The following DIAPH3 variants were observed in gnomAD, a reference collection of about 807,000 sequenced individuals.
The protein encoded by DIAPH3 is protein diaphanous homolog 3.
A neutral mutation model predicts 144.3 loss-of-function variants in DIAPH3; 117 were observed. The ratio of observed to expected loss-of-function variants is 0.81; its 90% CI spans 0.70 to 0.95. The LOEUF is 0.95. Among genes scored for constraint, DIAPH3 ranks in the 40% least tolerant of loss-of-function variants. DIAPH3 has a pLI of 0.00. For missense variants in DIAPH3, 1,421 were observed against 1,412.7 expected (o/e 1.01, Z -0.09); for synonymous variants, 519 against 488.9 (o/e 1.06, Z -0.81).
intron 20 of DIAPH3, 103 bp downstream of exon 20, chr13:59,911,632 T>C (rs1427113898): frequency 1.2e-6 from 1 of 841,098 alleles, no homozygotes; most frequent in Non-Finnish European, 2.0e-6. Flanking sequence ...ATTAAATGTA[T>C]GTGATTACTC....
intron 1 of DIAPH3, among the ~76,000 whole-genome samples, chr13:60,143,892 G>A (rs940103547): frequency 3.3e-5 from 5 of 152,174 alleles, no homozygotes; most frequent in Admixed American, 3.3e-4. Context: ...TCAGATGGAC[G>A]AATCAGATGT....
rs185024564 is a variant in DIAPH3 at position 60,060,354 on chromosome 13, C to G, written c.496-17534G>C. ...TCTCCGATTTCCTCAGTATAAAATG[C>G]TCACAGTGGTTATGGAGTGGAAGAA... is the stretch of plus-strand genomic sequence containing the variant. On this transcript the variant is annotated intron_variant, in intron 4 of 27. Coordinates refer to ENST00000400324, the MANE Select transcript of DIAPH3 (RefSeq NM_001042517.2). Among the ~76,000 whole-genome samples, 5 of 152,182 alleles carry G rather than the reference C, an allele frequency of 3.3e-5. No homozygotes were observed. In the East Asian group the frequency reaches 9.7e-4, roughly 29 times the overall value.
At chr13:59,692,184 T>C (rs1380165572) in intron 27 of DIAPH3, among the ~76,000 whole-genome samples, 1 of 145,730 alleles carries the variant, frequency 6.9e-6, no homozygotes, top group Non-Finnish European at 1.5e-5. Context: ...TACAAACTTT[T>C]ACTCTTGATA....
chr13:59,908,207 A>G (rs1236446687), intron 20 of DIAPH3, among the ~76,000 whole-genome samples: 1 of 151,782 alleles, frequency 6.6e-6, no homozygotes, highest in Non-Finnish European at 1.5e-5. Context: ...CATGTCTACT[A>G]AAAATACAAA....
chr13:59,808,249 A>G (rs1424229252), intron 25 of DIAPH3, among the ~76,000 whole-genome samples: 3 of 151,898 alleles, frequency 2.0e-5, no homozygotes, highest in Non-Finnish European at 4.4e-5. Flanking sequence ...TAAAATGTAA[A>G]TATGAATACA....
At chr13:59,708,576 C>T (rs979763962) in intron 27 of DIAPH3, among the ~76,000 whole-genome samples, 1 of 152,190 alleles carries the variant, frequency 6.6e-6, no homozygotes, top group African/African-American at 2.4e-5. Context: ...CAGGACTTCA[C>T]CCTTGCTTGG....
intron 22 of DIAPH3, among the ~76,000 whole-genome samples, chr13:59,860,553 A>G (rs964215074): frequency 6.6e-6 from 1 of 152,098 alleles, no homozygotes; most frequent in African/African-American, 2.4e-5. Flanking sequence ...CCTGGCTAAC[A>G]TGGTGAAACC....
chr13:60,052,834 A>G (rs2141252844), intron 4 of DIAPH3, among the ~76,000 whole-genome samples: 1 of 151,518 alleles, frequency 6.6e-6, no homozygotes. Context: ...GGTAGGATCC[A>G]TCTGTAGTCC....
chr13:60,115,022 C>T (rs554689944), intron 2 of DIAPH3, among the ~76,000 whole-genome samples: 3 of 152,224 alleles, frequency 2.0e-5, no homozygotes, highest in Admixed American at 2.0e-4. Flanking sequence ...TAATACATTG[C>T]TGTATGTTAA....
At chr13:59,773,785 T>C (rs1431577151) in intron 27 of DIAPH3, among the ~76,000 whole-genome samples, 1 of 140,780 alleles carries the variant, frequency 7.1e-6, no homozygotes, top group Admixed American at 7.0e-5. Flanking sequence ...AGTTAAGGTA[T>C]TTCTAACTGC....
At chr13:60,113,662 C>A (rs1239665525) in intron 2 of DIAPH3, among the ~76,000 whole-genome samples, 1 of 152,044 alleles carries the variant, frequency 6.6e-6, no homozygotes, top group Non-Finnish European at 1.5e-5. Context: ...GTCGTCAACC[C>A]AACAGAAAAC....
intron 5 of DIAPH3, among the ~76,000 whole-genome samples, chr13:60,029,942 C>T (rs1036713298): frequency 2.0e-5 from 3 of 152,204 alleles, no homozygotes; most frequent in South Asian, 4.1e-4. Context: ...TGCCCACCTT[C>T]TCTGACAGCC....
At chr13:59,722,664 G>T (rs980683085) in intron 27 of DIAPH3, among the ~76,000 whole-genome samples, 5 of 152,182 alleles carry the variant, frequency 3.3e-5, no homozygotes, top group African/African-American at 1.2e-4. Context: ...GGTGTGGATT[G>T]TAACAGGCAC....
At chr13:59,914,905 G>T (rs1185832475) in intron 19 of DIAPH3, among the ~76,000 whole-genome samples, 1 of 152,124 alleles carries the variant, frequency 6.6e-6, no homozygotes, top group East Asian at 1.9e-4. Flanking sequence ...TAAGTTCTTG[G>T]TGAATGGGTA....
chr13:59,905,522 A>G (rs2046689992), intron 20 of DIAPH3, among the ~76,000 whole-genome samples: 1 of 152,108 alleles, frequency 6.6e-6, no homozygotes, highest in Non-Finnish European at 1.5e-5. Flanking sequence ...GAACAATACA[A>G]TGTAGGTAGG....
intron 27 of DIAPH3, among the ~76,000 whole-genome samples, chr13:59,765,430 T>C (rs1009414488): frequency 1.3e-5 from 2 of 152,220 alleles, no homozygotes; most frequent in Non-Finnish European, 2.9e-5. Context: ...CTTCATACAC[T>C]TTCATTTAGT....
chr13:60,029,667 C>T lies in DIAPH3; in HGVS notation c.626+13023G>A, dbSNP rs571276037. ...GCCTTCTGCCATGATTGTAAGTTTC[C>T]TGAGGCCTCCCCAGTAAAGCAGAAC... is the stretch of plus-strand genomic sequence containing the variant. On this transcript the variant is annotated intron_variant, in intron 5 of 27. Coordinates refer to ENST00000400324, the MANE Select transcript of DIAPH3 (RefSeq NM_001042517.2). 7.9e-5 allele frequency among the ~76,000 whole-genome samples: 12 copies of T among 152,332 alleles called. No homozygotes were observed. The South Asian group carries it at 1.7e-3, about 21-fold the overall frequency.
At chr13:60,050,580 G>T (rs1295327227) in intron 4 of DIAPH3, among the ~76,000 whole-genome samples, 2 of 152,168 alleles carry the variant, frequency 1.3e-5, no homozygotes, top group African/African-American at 4.8e-5. Context: ...ATCAGAAGCA[G>T]CAGCAGCAGC....
intron 17 of DIAPH3, among the ~76,000 whole-genome samples, chr13:59,963,370 T>C (rs1594143310): frequency 6.6e-6 from 1 of 152,310 alleles, no homozygotes; most frequent in Admixed American, 6.5e-5. Flanking sequence ...TTTATACAGA[T>C]TTTTCTAAGA....
Sources: gnomAD v4.1 joint callset for allele counts (sites outside exome capture counted in the v4.1 genomes callset) on GRCh38, gnomAD v4.1.1 for gene constraint, MANE v1.5 for transcripts, NCBI Gene and HGNC (gene_info 2026-07-23, HGNC 2026-07-21) for gene names.